Variants in RSPH14 observed in about 807,000 individuals in gnomAD.
RSPH14 encodes the protein radial spoke head 14 homolog.
RSPH14 carries 20 observed loss-of-function variants against 26.7 expected under a neutral mutation model. The observed-to-expected ratio is 0.75, with a 90% CI of 0.53 to 1.09. The LOEUF (loss-of-function observed/expected upper bound fraction) is 1.09, where lower values mean the gene tolerates loss of function less well. Ranked by LOEUF, RSPH14 falls within the 50% of genes least tolerant of loss-of-function variation. The pLI is 0.00. For synonymous variants in RSPH14, 177 were observed against 189.3 expected (o/e 0.93, Z 0.53); for missense variants, 449 against 457.2 (o/e 0.98, Z 0.16).
chr22:23,076,516 G>A (rs935634544), intron 4 of RSPH14, among the ~76,000 whole-genome samples: 2 of 152,120 alleles, frequency 1.3e-5, no homozygotes, highest in African/African-American at 2.4e-5. Context: ...TGGGCCTCAG[G>A]TTTGGCCACC....
the RSPH14 span, among the ~76,000 whole-genome samples, chr22:23,168,179 G>A: frequency 9.9e-4 from 150 of 152,196 alleles, no homozygotes; most frequent in Non-Finnish European, 1.6e-3. Context: ...ATGCCAGCCC[G>A]ACCCCATTTT....
chr22:23,070,178 G>A (rs936890293), intron 4 of RSPH14, among the ~76,000 whole-genome samples: 1 of 151,920 alleles, frequency 6.6e-6, no homozygotes, highest in Non-Finnish European at 1.5e-5. Context: ...TCCGTCAGCT[G>A]CCTGTGCCCA....
chr22:23,141,365 T>C (rs1273351575), intron 1 of RSPH14, among the ~76,000 whole-genome samples: 3 of 151,330 alleles, frequency 2.0e-5, no homozygotes, highest in African/African-American at 7.3e-5. Context: ...TAACTTTTAT[T>C]GCCGACACAC....
chr22:23,097,948 C>T (rs1049425524), intron 4 of RSPH14, among the ~76,000 whole-genome samples: 2 of 152,248 alleles, frequency 1.3e-5, no homozygotes, highest in African/African-American at 4.8e-5. Context: ...TTTGACAGGC[C>T]GTGCCCACAG....
rs2068357214 is a variant in RSPH14, at chr22:23,071,046, C to T, written c.422-6913G>A. Among the ~76,000 whole-genome samples, 1 of 152,146 alleles carries T rather than the reference C, an allele frequency of 6.6e-6. No homozygotes were observed. Among genetic ancestry groups the T allele is most frequent in the Admixed American group, 6.5e-5 (1 of 15,284 alleles). Reference sequence around the variant, plus strand: ...GAAACCGAGGAGAGGGCCCCAGAGGCCTGGGCCCGAGGACCTGGGCCCGCA... The same window carrying T: ...GAAACCGAGGAGAGGGCCCCAGAGGTCTGGGCCCGAGGACCTGGGCCCGCA... On this transcript the variant is annotated intron_variant, in intron 4 of 6. Coordinates refer to ENST00000216036, the MANE Select transcript of RSPH14 (RefSeq NM_014433.3). The surrounding 1 kb of genome is among the most constrained non-coding windows in gnomAD (Gnocchi z 4.1).
intron 1 of RSPH14, 85 bp downstream of exon 1, chr22:23,141,863 TG>T (rs2070608621): frequency 4.0e-6 from 2 of 497,810 alleles, no homozygotes; most frequent in Non-Finnish European, 2.6e-6. Flanking sequence ...ATTTTGAGTG[TG>T]GGGACACGGC....
In RSPH14 at chr22:23,120,886, T is replaced by C. The variant is rs78748130; in HGVS notation, c.421+13140A>G. Reference sequence around the variant, plus strand: ...TGCTCAGTAAATTAATAATACGTGCTAATGGTCATATCTGTTATTTAACTG... The same window carrying C: ...TGCTCAGTAAATTAATAATACGTGCCAATGGTCATATCTGTTATTTAACTG... On this transcript the variant is annotated intron_variant, in intron 4 of 6. Transcript: ENST00000216036. Among the ~76,000 whole-genome samples the C allele has an allele frequency of 3.3e-3, 500 of 152,322 alleles. 3 individuals carry two copies. Among genetic ancestry groups the C allele is most frequent in the African/African-American group, 0.011 (477 of 41,562 alleles).
intron 4 of RSPH14, among the ~76,000 whole-genome samples, chr22:23,081,136 G>T (rs1490742983): frequency 1.3e-5 from 2 of 152,236 alleles, no homozygotes; most frequent in Non-Finnish European, 2.9e-5. Context: ...AAAAGCCGTG[G>T]TTAGGTTTGG....
intron 4 of RSPH14, among the ~76,000 whole-genome samples, chr22:23,119,953 G>A (rs1478469480): frequency 2.0e-5 from 3 of 152,204 alleles, no homozygotes; most frequent in Non-Finnish European, 2.9e-5. Context: ...AGGAAACCAG[G>A]AAGCCTGAGC....
At chr22:23,163,092 G>A in the RSPH14 span, 5 of 230,798 alleles carry the variant, frequency 2.2e-5, no homozygotes, top group Non-Finnish European at 3.4e-5. Context: ...TGTATTTTTA[G>A]TAGAGATGGG....
At chr22:23,061,172 G>A (rs1352004148) in intron 6 of RSPH14, among the ~76,000 whole-genome samples, 1 of 152,184 alleles carries the variant, frequency 6.6e-6, no homozygotes, top group African/African-American at 2.4e-5. Flanking sequence ...GGAACTCAAA[G>A]GAAGCACAGG....
the RSPH14 span, chr22:23,180,227 T>C: frequency 4.7e-6 from 1 of 213,354 alleles, no homozygotes; most frequent in Non-Finnish European, 9.4e-6. Flanking sequence ...ACTGCAGAAC[T>C]GGCCCAGACC....
At chr22:23,102,085 A>G (rs2069317941) in intron 4 of RSPH14, among the ~76,000 whole-genome samples, 1 of 152,230 alleles carries the variant, frequency 6.6e-6, no homozygotes, top group Non-Finnish European at 1.5e-5. Flanking sequence ...ACACTTGTGA[A>G]CAGCCCCTGC....
At chr22:23,101,826 CAG>C (rs1276517259) in intron 4 of RSPH14, among the ~76,000 whole-genome samples, 1 of 152,194 alleles carries the variant, frequency 6.6e-6, no homozygotes, top group Non-Finnish European at 1.5e-5. Flanking sequence ...AGAGGCTCCA[CAG>C]GGGTGGGAGA....
chr22:23,089,592 G>T (rs576722451), intron 4 of RSPH14, among the ~76,000 whole-genome samples: 1 of 152,274 alleles, frequency 6.6e-6, no homozygotes, highest in East Asian at 1.9e-4. Context: ...CCTGACTCAG[G>T]GCTATCACTC....
chr22:23,161,691 G>C, the RSPH14 span: 2 of 803,528 alleles, frequency 2.5e-6, no homozygotes, highest in Non-Finnish European at 3.9e-6. Flanking sequence ...CCATGTTCCA[G>C]TCCCTCCACC....
the RSPH14 span, among the ~76,000 whole-genome samples, chr22:23,158,213 G>A: frequency 5.2e-4 from 79 of 152,274 alleles, 1 homozygote; most frequent in East Asian, 0.012. Flanking sequence ...TGCCTTTATC[G>A]CTTGAGATTT....
chr22:23,157,110 G>T, the RSPH14 span, among the ~76,000 whole-genome samples: 2 of 152,210 alleles, frequency 1.3e-5, no homozygotes, highest in African/African-American at 2.4e-5. Flanking sequence ...GGCCAGTGAT[G>T]AGAGGAGCTG....
chr22:23,108,591 A>G (rs2069551861), intron 4 of RSPH14, among the ~76,000 whole-genome samples: 1 of 152,238 alleles, frequency 6.6e-6, no homozygotes, highest in Admixed American at 6.5e-5. Context: ...TCCTGAGGAG[A>G]CATGACCATG....
Sources: allele counts gnomAD v4.1 joint callset (sites outside exome capture counted in the v4.1 genomes callset), GRCh38; gene constraint gnomAD v4.1.1; non-coding constraint Gnocchi (gnomAD v3.1); transcripts MANE v1.5; gene names NCBI Gene and HGNC (gene_info 2026-07-23, HGNC 2026-07-21).